SNX10: variants seen among roughly 807,000 people sequenced by gnomAD.
SNX10 encodes the protein sorting nexin 10, also known as sorting nexin-10.
A neutral mutation model predicts 28.5 loss-of-function variants in SNX10; 25 were observed. The ratio of observed to expected loss-of-function variants is 0.88; its 90% CI spans 0.64 to 1.22. SNX10 has a LOEUF of 1.22. Among genes scored for constraint, SNX10 ranks in the 50% most tolerant of loss-of-function variants. The probability of loss-of-function intolerance (pLI) is 0.00; values close to 1 mark genes in which losing one functional copy is unlikely to be tolerated. For synonymous variants in SNX10, 62 were observed against 81.4 expected (o/e 0.76, Z 1.28); for missense variants, 223 against 242.6 (o/e 0.92, Z 0.54).
intron 1 of SNX10, among the ~76,000 whole-genome samples, chr7:26,317,747 C>T (rs1460525627): frequency 1.4e-5 from 2 of 148,050 alleles, no homozygotes; most frequent in African/African-American, 5.0e-5. Context: ...ACTGGAACCT[C>T]TGCCTCTTGG....
At chr7:26,306,610 G>A (rs1786603839) in intron 1 of SNX10, among the ~76,000 whole-genome samples, 1 of 151,644 alleles carries the variant, frequency 6.6e-6, no homozygotes, top group East Asian at 2.0e-4. Flanking sequence ...TCGTCATGTT[G>A]CCCAGGTCTC....
At chr7:26,305,515 G>A (rs1786552288) in intron 1 of SNX10, among the ~76,000 whole-genome samples, 2 of 152,194 alleles carry the variant, frequency 1.3e-5, no homozygotes, top group Admixed American at 6.5e-5. Flanking sequence ...GGATTAGGGG[G>A]CAGGCAGTGT....
chr7:26,365,272 C>G (rs1789245239), intron 5 of SNX10, 127 bp downstream of exon 5: 1 of 594,164 alleles, frequency 1.7e-6, no homozygotes, highest in Non-Finnish European at 3.1e-6. Flanking sequence ...AGAGCAAAAC[C>G]CAGTGGCCCA....
chr7:26,340,797 C>T (rs1584140565), intron 1 of SNX10, among the ~76,000 whole-genome samples: 1 of 152,200 alleles, frequency 6.6e-6, no homozygotes, highest in East Asian at 1.9e-4. Flanking sequence ...GACAGAGTCT[C>T]GCTCTGTTGT....
At chr7:26,344,457 C>CCA (rs35456143) in intron 1 of SNX10, among the ~76,000 whole-genome samples, 63,002 of 151,822 alleles carry the variant, frequency 0.41, 14,229 homozygotes, top group South Asian at 0.61. Context: ...GTGTGAGCCA[C>CCA]CACCTGGCCT....
intron 2 of SNX10, among the ~76,000 whole-genome samples, chr7:26,355,825 G>T (rs746582988): frequency 2.0e-5 from 3 of 152,220 alleles, no homozygotes; most frequent in Non-Finnish European, 4.4e-5. Flanking sequence ...GAACAAGGCA[G>T]ATCTGAGTTT....
chr7:26,321,728 T>G (rs1282386767), intron 1 of SNX10, among the ~76,000 whole-genome samples: 1 of 152,150 alleles, frequency 6.6e-6, no homozygotes, highest in East Asian at 1.9e-4. Flanking sequence ...CTTCATTATC[T>G]TCTCCATCAG....
intron 2 of SNX10, among the ~76,000 whole-genome samples, chr7:26,347,785 G>A (rs1378597374): frequency 1.3e-5 from 2 of 152,174 alleles, no homozygotes; most frequent in South Asian, 2.1e-4. Flanking sequence ...GGGAGGTGGA[G>A]GTTGCAGTGG....
chr7:26,300,888 G>A (rs1291326122), intron 1 of SNX10, among the ~76,000 whole-genome samples: 2 of 151,700 alleles, frequency 1.3e-5, no homozygotes, highest in Non-Finnish European at 1.5e-5. Context: ...GTGTGGTGGC[G>A]AGCACCTGTA....
rs1391765521 is a variant in SNX10, at chr7:26,360,990, T to G, written c.40T>G (p.Trp14Gly). ...GCCATTACAGGAATTTGTAAGTGTC[T>G]GGGTTCGAGATCCTAGGATTCAGAA... is the stretch of plus-strand genomic sequence containing the variant. The part of the protein sequence containing the change: ...EQQKEEFVSV[W>G]VRDPRIQKED... The change falls in exon 3 of 7, where the codon TGG (tryptophan) becomes GGG (glycine). Residue 14 changes from tryptophan to glycine, a missense_variant. By Grantham distance (184) the Trp-to-Gly change is radical. Coordinates refer to ENST00000338523, the MANE Select transcript of SNX10 (RefSeq NM_013322.3). 1 of 1,613,292 alleles carries G rather than the reference T, an allele frequency of 6.2e-7. No individual in the cohort carries two copies.
chr7:26,359,396 C>G (rs1460829840), intron 2 of SNX10, among the ~76,000 whole-genome samples: 1 of 152,162 alleles, frequency 6.6e-6, no homozygotes, highest in East Asian at 1.9e-4. Flanking sequence ...CCCCCGATCT[C>G]TCTTTTTCTT....
intron 1 of SNX10, among the ~76,000 whole-genome samples, chr7:26,323,464 G>A (rs1787382105): frequency 6.6e-6 from 1 of 152,076 alleles, no homozygotes; most frequent in South Asian, 2.1e-4. Context: ...GCGTGGGACA[G>A]CTTTTTGCTC....
chr7:26,360,403 C>T (rs1441387965), intron 2 of SNX10: 1 of 153,612 alleles, frequency 6.5e-6, no homozygotes, highest in Non-Finnish European at 1.4e-5. Context: ...CAGGCATGCA[C>T]CACACTGCGC....
chr7:26,304,102 G>A (rs371589241), intron 1 of SNX10, among the ~76,000 whole-genome samples: 6 of 152,168 alleles, frequency 3.9e-5, no homozygotes, highest in Non-Finnish European at 7.3e-5. Context: ...ATGTGGGAAC[G>A]TGGTGGTGCA....
At chr7:26,314,855 G>T (rs1014627274) in intron 1 of SNX10, among the ~76,000 whole-genome samples, 2 of 151,998 alleles carry the variant, frequency 1.3e-5, no homozygotes, top group African/African-American at 4.8e-5. Flanking sequence ...AAGATTAGCT[G>T]TGTGTAGTGG....
At chr7:26,312,234 T>A (rs1786878227) in intron 1 of SNX10, among the ~76,000 whole-genome samples, 1 of 151,888 alleles carries the variant, frequency 6.6e-6, no homozygotes, top group African/African-American at 2.4e-5. Flanking sequence ...GGAGTAGGAG[T>A]GGTCTTTGTA....
At chr7:26,301,431 G>C (rs1417295984) in intron 1 of SNX10, among the ~76,000 whole-genome samples, 1 of 152,086 alleles carries the variant, frequency 6.6e-6, no homozygotes, top group Non-Finnish European at 1.5e-5. Flanking sequence ...ATTCCTAATA[G>C]CTTCCAAGGT....
chr7:26,327,730 T>TC (rs201807109), intron 1 of SNX10, among the ~76,000 whole-genome samples: 3,529 of 134,668 alleles, frequency 0.026, 58 homozygotes, highest in East Asian at 0.16. Flanking sequence ...TCTTTTCTTT[T>TC]TTTTTTTTTT....
chr7:26,347,783 G>A (rs1170280972), intron 2 of SNX10, among the ~76,000 whole-genome samples: 1 of 152,168 alleles, frequency 6.6e-6, no homozygotes, highest in African/African-American at 2.4e-5. Context: ...CTGGGAGGTG[G>A]AGGTTGCAGT....
Sources: allele counts gnomAD v4.1 joint callset (sites outside exome capture counted in the v4.1 genomes callset), GRCh38; gene constraint gnomAD v4.1.1; transcripts MANE v1.5; gene names NCBI Gene and HGNC (gene_info 2026-07-23, HGNC 2026-07-21).